PPRC1: variants seen among roughly 807,000 people sequenced by gnomAD.
PPRC1 encodes the protein PPARG related coactivator 1.
PPRC1 carries 23 observed loss-of-function variants against 132.5 expected under a neutral mutation model. The observed-to-expected ratio is 0.17, with a 90% CI of 0.12 to 0.25. The LOEUF is 0.25. Ranked by LOEUF, PPRC1 falls within the 10% of genes least tolerant of loss-of-function variation. The pLI, the probability that PPRC1 is intolerant of heterozygous loss-of-function variation, is 1.00. For synonymous variants in PPRC1, 872 were observed against 833.5 expected (o/e 1.05, Z -0.80); for missense variants, 2,006 against 2,089.1 (o/e 0.96, Z 0.78).
At chr10:102,132,538 G>C (rs1284943753), upstream of PPRC1, among the ~76,000 whole-genome samples, 3 of 152,384 alleles carry the variant, frequency 2.0e-5, no homozygotes, top group Non-Finnish European at 4.4e-5. Flanking sequence ...TAGTAGCAGA[G>C]AGGGCGGAGA....
Position 102,146,902 on chromosome 10 carries a change from A to G in PPRC1, c.3910A>G (p.Thr1304Ala), listed in dbSNP as rs1343039851. 2.5e-6 allele frequency: 4 copies of G among 1,612,968 alleles called. No homozygotes were observed. Among genetic ancestry groups the G allele is most frequent in the South Asian group, 1.1e-5 (1 of 91,014 alleles). ...CCATGACTATTGTGTCCGGAGCAGG[A>G]CCCCCCCAAAAAAGATGCCTGCCCT... Reference protein sequence around the residue: ...GDHDYCVRSRTPPKKMPALVI... With the variant: ...GDHDYCVRSRAPPKKMPALVI... Residue 1304 changes from threonine (T) to alanine (A), a missense_variant, in exon 9 of 14, where the codon ACC becomes GCC. Thr to Ala is a moderately conservative substitution (Grantham distance 58). This residue lies in a region of PPRC1 where 1,914 missense variants were observed against 1,917.2 expected (regional missense o/e 1.00). Transcript: ENST00000278070.
chr10:102,138,738 G>GCTTGTGTCACCC lies in PPRC1; in HGVS notation c.464_475dup (p.Leu155_Pro158dup). 6.2e-7 allele frequency: 1 copy of GCTTGTGTCACCC among 1,614,212 alleles called. No individual in the cohort carries two copies. The highest frequency in any genetic ancestry group is 8.5e-7 in the Non-Finnish European group (1 of 1,180,032). The stretch of plus-strand genomic sequence containing the variant: ...TTGACAGCATTCCTGATTCGGAGCT[G>GCTTGTGTCACCC]CTTGTGTCACCCCGGGAGGGCTCCT... On this transcript the variant is annotated inframe_insertion, in exon 3 of 14. Coordinates refer to ENST00000278070, the MANE Select transcript of PPRC1 (RefSeq NM_015062.5).
rs2068999752 is a variant in PPRC1, at chr10:102,141,904, G to A, written c.3396G>A (p.Leu1132=). The A allele has an allele frequency of 1.9e-6, 3 of 1,614,144 alleles. No homozygotes were observed. The highest frequency in any genetic ancestry group is 1.6e-4 in the Middle Eastern group (1 of 6,062). ...CAAGGCAGAGCACTGTCCCCAAGCT[G>A]CCTGCTGTCCACCCAGCCCGTCTAA... ...PTPRQSTVPK[L]PAVHPARLRK... is the part of the protein sequence containing the mutation. Residue 1132 remains leucine, a synonymous_variant, in exon 5 of 14, where the codon CTG becomes CTA. Coordinates refer to ENST00000278070, the MANE Select transcript of PPRC1 (RefSeq NM_015062.5).
At chr10:102,119,916 C>A in the PPRC1 span, among the ~76,000 whole-genome samples, 2 of 151,930 alleles carry the variant, frequency 1.3e-5, no homozygotes, top group East Asian at 3.9e-4. Context: ...CGCATTTACA[C>A]AGTTGGGGAA....
At position 102,146,734 on chromosome 10, in the gene PPRC1, C is replaced by T; in HGVS notation, c.3742C>T (p.Leu1248=). ...GAAGCCCCTGGCTGCTGTCTCACTG[C>T]TGGCCAAAGCCAAATCTCCTAAGTC... ...LWKPLAAVSL[L]AKAKSPKSTA... The change falls in exon 9 of 14, where the codon CTG becomes TTG. Residue 1248 remains leucine, a synonymous_variant. Transcript: ENST00000278070. The T allele has an allele frequency of 6.2e-7, 1 of 1,614,050 alleles. No homozygotes were observed. Among genetic ancestry groups the T allele is most frequent in the African/African-American group, 1.3e-5 (1 of 75,006 alleles).
In PPRC1 at chr10:102,141,377, C is replaced by T. The variant is rs1394362876; in HGVS notation, c.2869C>T (p.Pro957Ser). ...SGTPGAYAVP[P>S]TCSVPWAPPP... Reference sequence around the variant, plus strand: ...TACTCCTGGTGCCTATGCCGTGCCTCCCACTTGCAGTGTGCCTTGGGCACC... The same window carrying T: ...TACTCCTGGTGCCTATGCCGTGCCTTCCACTTGCAGTGTGCCTTGGGCACC... The change falls in exon 5 of 14, where the codon CCC becomes TCC. Residue 957 changes from proline to serine, a missense_variant. Transcript: ENST00000278070. 1.2e-6 allele frequency: 2 copies of T among 1,614,130 alleles called. No individual in the cohort carries two copies. The highest frequency in any genetic ancestry group is 3.3e-5 in the Admixed American group (2 of 60,034).
chr10:102,140,504 G>A lies in PPRC1; in HGVS notation c.1996G>A (p.Val666Ile), dbSNP rs756901009. Residue 666 changes from valine (V) to isoleucine (I), a missense_variant, in exon 5 of 14, where the codon GTT (valine) becomes ATT (isoleucine). Around this residue, in one of 2 missense-constraint regions of PPRC1, gnomAD observed 1,914 missense variants for 1,917.2 expected, o/e 1.00. Transcript: ENST00000278070. ...TGCTGTCCCGTCTGGCCCAGCACCA[G>A]TTGATCTAGCACTGGTTGACCCTGT... ...VDAVPSGPAP[V>I]DLALVDPVPN... 3.1e-6 allele frequency: 5 copies of A among 1,614,052 alleles called. No individual in the cohort carries two copies. The East Asian group carries it at 1.1e-4, about 36-fold the overall frequency.
At chr10:102,125,031 C>T in the PPRC1 span, among the ~76,000 whole-genome samples, 8 of 152,148 alleles carry the variant, frequency 5.3e-5, no homozygotes, top group Non-Finnish European at 1.2e-4. Flanking sequence ...AGTCCTCTTG[C>T]CTCAGCCTTC....
At position 102,140,042 on chromosome 10, in the gene PPRC1, T is replaced by C. The variant is rs201451149; in HGVS notation, c.1534T>C (p.Ser512Pro). 1.9e-6 allele frequency: 3 copies of C among 1,613,968 alleles called. No individual in the cohort carries two copies. The highest frequency in any genetic ancestry group is 2.5e-6 in the Non-Finnish European group (3 of 1,179,992). The part of the protein sequence containing the change: ...KQPQEELQKE[S>P]GPLQGKGKPR... Reference sequence around the variant, plus strand: ...GCCTCAGGAAGAACTTCAAAAAGAGTCTGGGCCTCTCCAGGGTAAGGGGAA... The same window carrying C: ...GCCTCAGGAAGAACTTCAAAAAGAGCCTGGGCCTCTCCAGGGTAAGGGGAA... Residue 512 changes from serine (S) to proline (P), a missense_variant, in exon 5 of 14, where the codon TCT becomes CCT. By Grantham distance (74) the Ser-to-Pro change is moderately conservative (BLOSUM62 -1). Around this residue, in one of 2 missense-constraint regions of PPRC1, gnomAD observed 1,914 missense variants for 1,917.2 expected, o/e 1.00. Transcript: ENST00000278070.
the PPRC1 span, among the ~76,000 whole-genome samples, chr10:102,121,737 A>G: frequency 6.6e-6 from 1 of 152,012 alleles, no homozygotes; most frequent in Non-Finnish European, 1.5e-5. Flanking sequence ...GGAGACTTGG[A>G]CTAGTGTCTC....
In PPRC1 at chr10:102,140,851, C is replaced by G. The variant is rs145377546; in HGVS notation, c.2343C>G (p.Ser781Arg). 3 of 1,613,958 alleles carry G rather than the reference C, an allele frequency of 1.9e-6. No homozygotes were observed. Among genetic ancestry groups the G allele is most frequent in the Non-Finnish European group, 2.5e-6 (3 of 1,180,024 alleles). ...AGCCCCCAACTGGGAAGTGGCCTAG[C>G]CTTCCAGAGACTCCCACAGGGCTGG... ...SPQPPTGKWP[S>R]LPETPTGLAD... The change falls in exon 5 of 14, where the codon AGC (serine) becomes AGG (arginine). Residue 781 changes from serine (S) to arginine (R), a missense_variant. Coordinates refer to ENST00000278070, the MANE Select transcript of PPRC1 (RefSeq NM_015062.5).
At position 102,148,493 on chromosome 10, in the gene PPRC1, C is replaced by T. The variant is rs778150842; in HGVS notation, c.4522C>T (p.Pro1508Ser). 23 of 1,613,372 alleles carry T rather than the reference C, an allele frequency of 1.4e-5. No homozygotes were observed. Among genetic ancestry groups the T allele is most frequent in the Non-Finnish European group, 1.9e-5 (22 of 1,179,378 alleles). ...SSRSRSRSPSPRRRSDRRRRY... is the reference protein window; with the variant it reads ...SSRSRSRSPSSRRRSDRRRRY... ...TCGAAGCCGCTCACGATCCCCATCCCCCCGCCGGAGAAGTGACAGGAGGCG... is the reference window on the plus strand; with the variant it reads ...TCGAAGCCGCTCACGATCCCCATCCTCCCGCCGGAGAAGTGACAGGAGGCG... The change falls in exon 10 of 14, where the codon CCC (proline) becomes TCC (serine). Residue 1508 changes from proline to serine, a missense_variant. Physicochemically the swap from Pro to Ser is moderately conservative, Grantham distance 74 (BLOSUM62 -1). This residue lies in a region of PPRC1 where 1,914 missense variants were observed against 1,917.2 expected (regional missense o/e 1.00). Transcript: ENST00000278070. The surrounding 1 kb of genome is among the most constrained non-coding windows in gnomAD (Gnocchi z 4.2).
chr10:102,141,487 C>G lies in PPRC1; in HGVS notation c.2979C>G (p.Phe993Leu), dbSNP rs866819415. 1.2e-6 allele frequency: 2 copies of G among 1,613,882 alleles called. No homozygotes were observed. The highest frequency in any genetic ancestry group is 1.6e-4 in the Middle Eastern group (1 of 6,062). The change falls in exon 5 of 14, where the codon TTC becomes TTG. Residue 993 changes from phenylalanine to leucine, a missense_variant. This residue lies in a region of PPRC1 where 1,914 missense variants were observed against 1,917.2 expected (regional missense o/e 1.00). Transcript: ENST00000278070. ...GCCCAGGGCCTCAACATGCTCCATT[C>G]TGGTCTACTGTTCCCCCACCTCCTT... The part of the protein sequence containing the change: ...GWGPGPQHAP[F>L]WSTVPPPPLP...
the PPRC1 span, among the ~76,000 whole-genome samples, chr10:102,127,952 G>T: frequency 1.3e-5 from 2 of 152,180 alleles, no homozygotes; most frequent in African/African-American, 4.8e-5. Flanking sequence ...GCCTCCTAAA[G>T]TATTGGGATT....
rs1304417447 is a variant in PPRC1 at position 102,147,270 on chromosome 10, C to T, written c.4278C>T (p.Asn1426=). Residue 1426 remains asparagine, a synonymous_variant, in exon 9 of 14, where the codon AAC becomes AAT. Coordinates refer to ENST00000278070, the MANE Select transcript of PPRC1 (RefSeq NM_015062.5). ...SQGWQGRRGR[N]SRSVSSGSNR... is the part of the protein sequence containing the mutation. ...GCTGGCAGGGCCGCCGAGGCCGCAA[C>T]AGCCGTTCTGTCAGCTCTGGGTCCA... 3 of 1,613,000 alleles carry T rather than the reference C, an allele frequency of 1.9e-6. No individual in the cohort carries two copies. The highest frequency in any genetic ancestry group is 1.7e-5 in the Admixed American group (1 of 60,018).
chr10:102,146,934 T>C lies in PPRC1; in HGVS notation c.3942T>C (p.Ile1314=). Residue 1314 remains isoleucine, a synonymous_variant, in exon 9 of 14, where the codon ATT becomes ATC. Coordinates refer to ENST00000278070, the MANE Select transcript of PPRC1 (RefSeq NM_015062.5). ...CAAAAAAGATGCCTGCCCTAGTCAT[T>C]CCAGAGGTGGGCTCCCGATGGAATG... ...TPPKKMPALV[I]PEVGSRWNVK... is the part of the protein sequence containing the mutation. 1 of 1,614,000 alleles carries C rather than the reference T, an allele frequency of 6.2e-7. No homozygotes were observed. The highest frequency in any genetic ancestry group is 1.6e-4 in the Middle Eastern group (1 of 6,062).
chr10:102,136,604 A>G (rs2068731662), intron 1 of PPRC1, among the ~76,000 whole-genome samples: 1 of 152,250 alleles, frequency 6.6e-6, no homozygotes, highest in South Asian at 2.1e-4. Context: ...TATTGTTTTA[A>G]TCTATTTTAT....
At chr10:102,142,832 G>A (rs1353601152) in intron 5 of PPRC1, 2 of 439,574 alleles carry the variant, frequency 4.5e-6, no homozygotes, top group Non-Finnish European at 4.1e-6. Flanking sequence ...AGGCACAGGT[G>A]TGTGCCACCG....
At position 102,139,575 on chromosome 10, in the gene PPRC1, G is replaced by A; in HGVS notation, c.1067G>A (p.Gly356Asp). The A allele has an allele frequency of 6.2e-7, 1 of 1,613,876 alleles. No homozygotes were observed. ...ATTGTGGGGCAGGCAGCCACAGCTG[G>A]CGATGACCTGGAGATCCCAGTTGTG... ...LEIVGQAATA[G>D]DDLEIPVVVR... The change falls in exon 5 of 14, where the codon GGC becomes GAC. Residue 356 changes from glycine (G) to aspartate (D), a missense_variant. By Grantham distance (94) the Gly-to-Asp change is moderately conservative. Around this residue, in one of 2 missense-constraint regions of PPRC1, gnomAD observed 1,914 missense variants for 1,917.2 expected, o/e 1.00. Transcript: ENST00000278070.
Sources: allele counts gnomAD v4.1 joint callset (sites outside exome capture counted in the v4.1 genomes callset), GRCh38; gene constraint gnomAD v4.1.1; regional missense constraint gnomAD v4.1.1; non-coding constraint Gnocchi (gnomAD v3.1); transcripts MANE v1.5; gene names NCBI Gene and HGNC (gene_info 2026-07-23, HGNC 2026-07-21).